Variants in KIAA0825 observed in about 807,000 individuals in gnomAD.
KIAA0825 encodes the protein uncharacterized protein KIAA0825.
KIAA0825 carries 119 observed loss-of-function variants against 147.6 expected under a neutral mutation model. That is an observed-to-expected ratio of 0.81 (90% CI 0.69 to 0.94). The LOEUF is 0.94. Ranked by LOEUF, KIAA0825 falls within the 40% of genes least tolerant of loss-of-function variation. The probability of loss-of-function intolerance (pLI) is 0.00; values close to 1 mark genes in which losing one functional copy is unlikely to be tolerated. For synonymous variants in KIAA0825, 470 were observed against 518.1 expected (o/e 0.91, Z 1.26); for missense variants, 1,381 against 1,472.7 (o/e 0.94, Z 1.02).
intron 14 of KIAA0825, among the ~76,000 whole-genome samples, chr5:94,423,681 T>G (rs1168319356): frequency 6.6e-6 from 1 of 152,134 alleles, no homozygotes; most frequent in Non-Finnish European, 1.5e-5. Flanking sequence ...GGACTCTGAA[T>G]TAACCAGGCA....
chr5:94,410,203 A>G (rs1205455123), intron 15 of KIAA0825, among the ~76,000 whole-genome samples: 4 of 151,952 alleles, frequency 2.6e-5, no homozygotes, highest in Non-Finnish European at 5.9e-5. Flanking sequence ...CTGCAGAAAA[A>G]AAAAAAAAAA....
chr5:94,439,871 C>T lies in KIAA0825; in HGVS notation c.2497+111G>A. The T allele has an allele frequency of 6.4e-6, 7 of 1,096,576 alleles. No homozygotes were observed. In the South Asian group the frequency reaches 1.2e-4, roughly 19 times the overall value. The allele number at this position is 1,096,576 out of a possible 1,614,324, so 67.9% of individuals were successfully genotyped here. ...CTGCTAACCCAGCTGAATGTTGATACATGCTATTGGTTTACATCTTTCTTC... is the reference window on the plus strand; with the variant it reads ...CTGCTAACCCAGCTGAATGTTGATATATGCTATTGGTTTACATCTTTCTTC... On this transcript the variant is annotated intron_variant, in intron 14 of 20. Transcript: ENST00000682413.
intron 20 of KIAA0825, among the ~76,000 whole-genome samples, chr5:94,340,901 C>A (rs1425723551): frequency 6.6e-6 from 1 of 152,104 alleles, no homozygotes; most frequent in African/African-American, 2.4e-5. Context: ...TGGGAAGAGG[C>A]CTGAGATGTA....
In KIAA0825 at chr5:94,520,488, A is replaced by G; in HGVS notation, c.730T>C (p.Tyr244His). ...TATAACTTAAGCATTGTACTTTGAT[A>G]TCCATGAGCTATTACATCTAAATTT... ...DSNLDVIAHG[Y>H]QSTMLKLYSV... The change falls in exon 5 of 21, where the codon TAT becomes CAT. Residue 244 changes from tyrosine (Y) to histidine (H), a missense_variant. Transcript: ENST00000682413. The G allele has an allele frequency of 1.2e-6, 2 of 1,613,130 alleles. No homozygotes were observed. The highest frequency in any genetic ancestry group is 4.5e-5 in the East Asian group (2 of 44,844).
In KIAA0825 at chr5:94,152,850, AAAAAAT is replaced by A. The variant is rs1562284020; in HGVS notation, c.*1151_*1156del. ...AAAAAAAAAAAAAAAAAAAAAAAAA[AAAAAAT>A]TATATATATATATATATATATATAT... On this transcript the variant is annotated 3_prime_UTR_variant, in exon 21 of 21. Coordinates refer to ENST00000682413, the MANE Select transcript of KIAA0825 (RefSeq NM_001145678.3). The A allele has an allele frequency of 2.4e-4, 5 of 20,528 alleles. No individual in the cohort carries two copies. The highest frequency in any genetic ancestry group is 7.3e-4 in the Admixed American group (1 of 1,368). The allele number at this position is 20,528 out of a possible 1,614,324, so 1.3% of individuals were successfully genotyped here. A position where few individuals can be genotyped will look rare whatever the true frequency, so the allele number is the denominator to read the frequency against.
intron 5 of KIAA0825, among the ~76,000 whole-genome samples, chr5:94,512,173 TCA>T (rs1439294354): frequency 1.3e-5 from 2 of 152,154 alleles, no homozygotes; most frequent in Non-Finnish European, 2.9e-5. Flanking sequence ...ATTAAAATTC[TCA>T]GTCTTCAGTT....
intron 20 of KIAA0825, among the ~76,000 whole-genome samples, chr5:94,195,913 A>G (rs1246853363): frequency 6.6e-6 from 1 of 152,092 alleles, no homozygotes. Flanking sequence ...ATGCTGTTGG[A>G]AATCTGCCCA....
chr5:94,391,009 A>T lies in KIAA0825; in HGVS notation c.3456+526T>A, dbSNP rs531722707. On this transcript the variant is annotated intron_variant, in intron 18 of 20. Coordinates refer to ENST00000682413, the MANE Select transcript of KIAA0825 (RefSeq NM_001145678.3). ...CCAAAAACATGCAAGGTCAGAGGCA[A>T]TGGGATAGAAAGGCATAACATTGGT... 1.2e-3 allele frequency among the ~76,000 whole-genome samples: 179 copies of T among 152,364 alleles called. 1 individual carries two copies. The highest frequency in any genetic ancestry group is 4.0e-3 in the African/African-American group (166 of 41,590).
At chr5:94,417,128 C>G in intron 15 of KIAA0825, 73 bp downstream of exon 15, 3 of 1,404,214 alleles carry the variant, frequency 2.1e-6, no homozygotes, top group Middle Eastern at 1.8e-4. Flanking sequence ...ATCAATACAA[C>G]TTCTAAACAT....
At chr5:94,502,151 C>T (rs75659915) in intron 5 of KIAA0825, among the ~76,000 whole-genome samples, 42 of 152,090 alleles carry the variant, frequency 2.8e-4, no homozygotes, top group Non-Finnish European at 5.3e-4. Flanking sequence ...GTAAATAAGA[C>T]CTAATACTTT....
Position 94,532,764 on chromosome 5 carries a change from C to A in KIAA0825, c.131+4232G>T, listed in dbSNP as rs76983456. Among the ~76,000 whole-genome samples, 780 of 148,722 alleles carry A rather than the reference C, an allele frequency of 5.2e-3. 9 individuals carry two copies. The highest frequency in any genetic ancestry group is 0.018 in the African/African-American group (712 of 40,474). The stretch of plus-strand genomic sequence containing the variant: ...TGCCCAGGCTAGTTTTAAACTCCTG[C>A]CCTCAAGTGATCTTCCTGCCTTGGC... On this transcript the variant is annotated intron_variant, in intron 3 of 20. Coordinates refer to ENST00000682413, the MANE Select transcript of KIAA0825 (RefSeq NM_001145678.3).
chr5:94,569,790 C>T (rs1779555072), intron 2 of KIAA0825: 3 of 216,784 alleles, frequency 1.4e-5, no homozygotes, highest in African/African-American at 4.6e-5. Context: ...TACCTCCACG[C>T]TAACGGTGCC....
intron 20 of KIAA0825, among the ~76,000 whole-genome samples, chr5:94,285,369 A>G (rs1301345352): frequency 6.6e-6 from 1 of 152,102 alleles, no homozygotes; most frequent in East Asian, 1.9e-4. Flanking sequence ...GGATTTTTAT[A>G]TGTTCTTCGG....
intron 2 of KIAA0825, among the ~76,000 whole-genome samples, chr5:94,559,362 T>TA (rs1777143860): frequency 1.3e-5 from 2 of 152,206 alleles, no homozygotes; most frequent in Non-Finnish European, 2.9e-5. Flanking sequence ...ACTTCCCTCT[T>TA]ACGTTTTCTA....
At chr5:94,534,360 A>G (rs1015293248) in intron 3 of KIAA0825, among the ~76,000 whole-genome samples, 18 of 152,300 alleles carry the variant, frequency 1.2e-4, no homozygotes, top group Non-Finnish European at 2.4e-4. Context: ...ATTTTAAAAA[A>G]TATATATACC....
chr5:94,504,096 A>G (rs1270583590), intron 5 of KIAA0825, among the ~76,000 whole-genome samples: 1 of 152,250 alleles, frequency 6.6e-6, no homozygotes, highest in Non-Finnish European at 1.5e-5. Flanking sequence ...GGATATTATC[A>G]GAGCCCTTAA....
At chr5:94,583,105 G>C (rs775561780) in intron 1 of KIAA0825, among the ~76,000 whole-genome samples, 1 of 152,086 alleles carries the variant, frequency 6.6e-6, no homozygotes, top group Admixed American at 6.6e-5. Flanking sequence ...CAGCGAGATC[G>C]ACGCATAAGA....
chr5:94,247,916 T>C (rs1483943190), intron 20 of KIAA0825, among the ~76,000 whole-genome samples: 4 of 152,050 alleles, frequency 2.6e-5, no homozygotes, highest in Non-Finnish European at 5.9e-5. Flanking sequence ...GGGTAATAAA[T>C]ATATTTTAAA....
At chr5:94,189,241 T>G (rs945713271) in intron 20 of KIAA0825, among the ~76,000 whole-genome samples, 1 of 152,140 alleles carries the variant, frequency 6.6e-6, no homozygotes, top group Non-Finnish European at 1.5e-5. Context: ...AAGTATGTCT[T>G]TTGGAAGAAA....
Sources: gnomAD v4.1 joint callset for allele counts (sites outside exome capture counted in the v4.1 genomes callset) on GRCh38, gnomAD v4.1.1 for gene constraint, MANE v1.5 for transcripts, NCBI Gene and HGNC (gene_info 2026-07-23, HGNC 2026-07-21) for gene names.